Variants in SPATA3 observed in about 807,000 individuals in gnomAD.
SPATA3 encodes spermatogenesis associated 3.
In SPATA3, 6 loss-of-function variants were observed where a neutral mutation model predicts 5.7. That is an observed-to-expected ratio of 1.06 (90% CI 0.58 to 2.09). The LOEUF (loss-of-function observed/expected upper bound fraction) is 2.09, where lower values mean the gene tolerates loss of function less well. Ranked by LOEUF, SPATA3 falls within the 30% of genes most tolerant of loss-of-function variation. The pLI, the probability that SPATA3 is intolerant of heterozygous loss-of-function variation, is 0.00. For synonymous variants in SPATA3, 44 were observed against 48.4 expected (o/e 0.91, Z 0.37); for missense variants, 155 against 130.4 (o/e 1.19, Z -0.92).
chr2:231,012,279 A>C (rs1692808546), downstream of SPATA3, among the ~76,000 whole-genome samples: 1 of 152,192 alleles, frequency 6.6e-6, no homozygotes, highest in African/African-American at 2.4e-5. Context: ...ATCTCATCTG[A>C]GGAGTGCATC....
intron 6 of SPATA3, among the ~76,000 whole-genome samples, chr2:231,016,028 A>C (rs1013147207): frequency 2.6e-5 from 4 of 152,216 alleles, no homozygotes; most frequent in African/African-American, 9.6e-5. Context: ...GGGCATGGGC[A>C]GGCGTGAAGC....
At chr2:231,000,996 A>G (rs1692333288) in intron 2 of SPATA3, among the ~76,000 whole-genome samples, 1 of 152,206 alleles carries the variant, frequency 6.6e-6, no homozygotes, top group African/African-American at 2.4e-5. Context: ...ATTTAATGAT[A>G]AAAAACTACT....
chr2:231,013,942 G>T (rs1427286836), exon 6 of SPATA3: 1 of 149,170 alleles, frequency 6.7e-6, no homozygotes, highest in African/African-American at 2.5e-5. Context: ...ATCATTTCTT[G>T]GTCTAGGCTA....
At chr2:231,000,366 G>A (rs1292094755) in exon 2 of SPATA3, 4 of 1,491,962 alleles carry the variant, frequency 2.7e-6, no homozygotes, top group Admixed American at 2.2e-5. Flanking sequence ...GTCCCCACAG[G>A]GCCTCTGATT....
chr2:231,018,191 C>T (rs569680300), intron 6 of SPATA3, among the ~76,000 whole-genome samples: 52 of 152,226 alleles, frequency 3.4e-4, no homozygotes, highest in African/African-American at 1.2e-3. Flanking sequence ...TCCCAAAGTG[C>T]TGGGACAACA....
chr2:231,011,393 G>T (rs372083785), downstream of SPATA3, among the ~76,000 whole-genome samples: 1 of 152,128 alleles, frequency 6.6e-6, no homozygotes, highest in Non-Finnish European at 1.5e-5. Context: ...GGGAGCCTCC[G>T]CACCCGGTCC....
At chr2:231,000,509 G>A in exon 2 of SPATA3, 1 of 1,545,446 alleles carries the variant, frequency 6.5e-7, no homozygotes, top group Non-Finnish European at 8.7e-7. Context: ...GCCAGGGAGA[G>A]GACTCCCCAA....
downstream of SPATA3, among the ~76,000 whole-genome samples, chr2:231,011,394 C>T (rs533959920): frequency 1.3e-5 from 2 of 152,286 alleles, no homozygotes; most frequent in East Asian, 1.9e-4. Context: ...GGAGCCTCCG[C>T]ACCCGGTCCA....
downstream of SPATA3, chr2:231,004,093 A>G (rs1692451818): frequency 6.6e-6 from 1 of 152,188 alleles, no homozygotes; most frequent in African/African-American, 2.4e-5. Context: ...AGATGTTCAG[A>G]ATATCTCAAA....
chr2:231,019,217 C>CCT (rs1693014416), intron 6 of SPATA3, among the ~76,000 whole-genome samples: 1 of 151,730 alleles, frequency 6.6e-6, no homozygotes, highest in Non-Finnish European at 1.5e-5. Flanking sequence ...GATCCGCCCA[C>CCT]CTTGGCCTCC....
At chr2:231,005,491 C>T, downstream of SPATA3, among the ~76,000 whole-genome samples, 1 of 126,822 alleles carries the variant, frequency 7.9e-6, no homozygotes, top group Non-Finnish European at 1.8e-5. Context: ...CCACCACCAT[C>T]ACCACCATCA....
intron 6 of SPATA3, among the ~76,000 whole-genome samples, chr2:231,019,288 C>A (rs938268995): frequency 6.8e-6 from 1 of 147,338 alleles, no homozygotes; most frequent in Non-Finnish European, 1.5e-5. Context: ...CTTTTTTTAA[C>A]TATTCTCCTA....
chr2:231,019,234 G>A (rs1693014962), intron 6 of SPATA3, among the ~76,000 whole-genome samples: 1 of 150,458 alleles, frequency 6.6e-6, no homozygotes, highest in East Asian at 2.0e-4. Flanking sequence ...CTCCCAAAGT[G>A]CCGGGATTAC....
intron 1 of SPATA3, among the ~76,000 whole-genome samples, chr2:230,996,841 C>G (rs1034994228): frequency 3.9e-5 from 6 of 152,114 alleles, no homozygotes; most frequent in South Asian, 4.1e-4. Context: ...AAAATAAAAA[C>G]CAAGGATGCA....
intron 6 of SPATA3, among the ~76,000 whole-genome samples, chr2:231,019,397 C>T (rs1159792265): frequency 1.3e-5 from 2 of 150,200 alleles, no homozygotes; most frequent in East Asian, 4.1e-4. Flanking sequence ...GATCTCAGCT[C>T]ACTGCAAGCT....
At chr2:231,009,686 T>A (rs1692733582), downstream of SPATA3, among the ~76,000 whole-genome samples, 1 of 152,086 alleles carries the variant, frequency 6.6e-6, no homozygotes. Context: ...CATGCCGGAG[T>A]CCCTGTCTTC....
At position 230,997,279 on chromosome 2, in the gene SPATA3, T is replaced by C. The variant is rs189650315; in HGVS notation, c.791-3087T>C. ...ATGGTTTTAAAAAAGGGAGTTTCCCTGCACAAACTCTCTTCTCTTGTCTGC... is the reference window on the plus strand; with the variant it reads ...ATGGTTTTAAAAAAGGGAGTTTCCCCGCACAAACTCTCTTCTCTTGTCTGC... On this transcript the variant is annotated intron_variant, in intron 1 of 2. Transcript: ENST00000645363. Among the ~76,000 whole-genome samples the C allele has an allele frequency of 3.2e-4, 48 of 152,346 alleles. No individual in the cohort carries two copies. The East Asian group carries it at 3.7e-3, about 12-fold the overall frequency.
At chr2:231,005,472 T>C (rs868602282), downstream of SPATA3, among the ~76,000 whole-genome samples, 384 of 8,734 alleles carry the variant, frequency 0.044, no homozygotes, top group Non-Finnish European at 0.054. Flanking sequence ...ACCACCACCA[T>C]CATCACCACC....
At position 230,996,176 on chromosome 2, in the gene SPATA3, G is replaced by C. The variant is rs945025549; in HGVS notation, c.791-4190G>C. The C allele has an allele frequency of 9.4e-6, 14 of 1,491,912 alleles. No homozygotes were observed. In the African/African-American group the frequency reaches 1.7e-4, roughly 18 times the overall value. 92.4% of individuals were successfully genotyped at this position (1,491,912 alleles called of 1,614,324 possible). On this transcript the variant is annotated intron_variant, in intron 1 of 2. Transcript: ENST00000645363. ...AGAGGGCAAACGGCCCCTCCAGGAG[G>C]GAGCCGGGAGATTACGCAGCTCCAT...
Sources: gnomAD v4.1 joint callset for allele counts (sites outside exome capture counted in the v4.1 genomes callset) on GRCh38, gnomAD v4.1.1 for gene constraint, MANE v1.5 for transcripts, NCBI Gene and HGNC (gene_info 2026-07-23, HGNC 2026-07-21) for gene names.